CDKAL1: variants seen among roughly 807,000 people sequenced by gnomAD.
The protein encoded by CDKAL1 is CDKAL1 threonylcarbamoyladenosine tRNA methylthiotransferase.
CDKAL1 carries 32 observed loss-of-function variants against 68.2 expected under a neutral mutation model. The observed-to-expected ratio is 0.47, with a 90% CI of 0.35 to 0.63. CDKAL1 has a LOEUF of 0.63. Ranked by LOEUF, CDKAL1 falls within the 30% of genes least tolerant of loss-of-function variation. The pLI, the probability that CDKAL1 is intolerant of heterozygous loss-of-function variation, is 0.00. For missense variants in CDKAL1, 606 were observed against 696.7 expected, an observed-to-expected ratio of 0.87 and a Z score of 1.47; for synonymous variants, 234 against 244.3, an observed-to-expected ratio of 0.96 and a Z score of 0.39.
At chr6:20,844,104 C>G (rs1412813658) in intron 8 of CDKAL1, among the ~76,000 whole-genome samples, 1 of 152,056 alleles carries the variant, frequency 6.6e-6, no homozygotes, top group Non-Finnish European at 1.5e-5. Flanking sequence ...ACAGAACCAG[C>G]AGGAGGATGA....
At chr6:20,729,804 T>G (rs1772825058) in intron 5 of CDKAL1, among the ~76,000 whole-genome samples, 1 of 152,204 alleles carries the variant, frequency 6.6e-6, no homozygotes, top group Non-Finnish European at 1.5e-5. Context: ...CAAATGACCG[T>G]AAGGTTCCTT....
intron 8 of CDKAL1, among the ~76,000 whole-genome samples, chr6:20,822,666 C>G (rs1473600512): frequency 6.6e-6 from 1 of 152,064 alleles, no homozygotes; most frequent in Non-Finnish European, 1.5e-5. Context: ...AGGATGGTTT[C>G]CCCAATGTTG....
rs777671526 is a variant in CDKAL1, at chr6:21,231,042, T to C, written c.*3T>C. On this transcript the variant is annotated 3_prime_UTR_variant, in exon 16 of 16. Coordinates refer to ENST00000274695, the MANE Select transcript of CDKAL1 (RefSeq NM_017774.3). Reference sequence around the variant, plus strand: ...TTTTTGTCAAGGTCTATAATTAGAATACAACTAATGGAAACATCTATAAAG... The same window carrying C: ...TTTTTGTCAAGGTCTATAATTAGAACACAACTAATGGAAACATCTATAAAG... The C allele has an allele frequency of 1.3e-6, 2 of 1,584,340 alleles. No homozygotes were observed. Among genetic ancestry groups the C allele is most frequent in the Non-Finnish European group, 1.7e-6 (2 of 1,158,894 alleles).
chr6:20,546,293 T>A, intron 2 of CDKAL1, 53 bp from the exon 3 acceptor site: 1 of 1,338,696 alleles, frequency 7.5e-7, no homozygotes, highest in Non-Finnish European at 1.0e-6. Flanking sequence ...TAAATGATGC[T>A]ACGCTAAGCA....
At chr6:20,783,650 C>T (rs993195796) in intron 8 of CDKAL1, among the ~76,000 whole-genome samples, 7 of 152,162 alleles carry the variant, frequency 4.6e-5, no homozygotes, top group African/African-American at 1.7e-4. Flanking sequence ...TCCCTCCCAA[C>T]CAGGCTAAAT....
intron 4 of CDKAL1, among the ~76,000 whole-genome samples, chr6:20,609,399 TTC>T (rs201260456): frequency 0.37 from 40,425 of 108,484 alleles, 7,075 homozygotes; most frequent in African/African-American, 0.51. Flanking sequence ...CTTCTTCTTC[TTC>T]TTTTTTTTTT....
At chr6:21,116,054 G>A (rs1774393221) in intron 13 of CDKAL1, among the ~76,000 whole-genome samples, 1 of 152,112 alleles carries the variant, frequency 6.6e-6, no homozygotes, top group Admixed American at 6.5e-5. Context: ...TTGAGTAGCA[G>A]ATTATGTTTA....
rs995502566 is a variant in CDKAL1, at chr6:20,558,594, G to A, written c.286+9889G>A. 7 of 456,562 alleles carry A rather than the reference G, an allele frequency of 1.5e-5. No individual in the cohort carries two copies. The Admixed American group carries it at 1.6e-4, about 11-fold the overall frequency. The allele number at this position is 456,562 out of a possible 1,614,324, so 28.3% of individuals were successfully genotyped here. ...TGGAATTCTGGAATGGCTAGCCTGG[G>A]CCAGGAAAAATCACTTTGTAATCTA... On this transcript the variant is annotated intron_variant, in intron 4 of 15. Coordinates refer to ENST00000274695, the MANE Select transcript of CDKAL1 (RefSeq NM_017774.3).
intron 10 of CDKAL1, among the ~76,000 whole-genome samples, chr6:20,995,821 A>G (rs1016272491): frequency 6.6e-6 from 1 of 152,132 alleles, no homozygotes; most frequent in African/African-American, 2.4e-5. Context: ...GCTTTGAAGC[A>G]TTGCTTCAAA....
At chr6:21,078,235 C>A (rs1400449853) in intron 12 of CDKAL1, among the ~76,000 whole-genome samples, 3 of 152,142 alleles carry the variant, frequency 2.0e-5, no homozygotes, top group African/African-American at 7.2e-5. Flanking sequence ...CATTGTCTGG[C>A]TTTTCGAGAC....
In CDKAL1 at chr6:20,570,914, A is replaced by T. The variant is rs572640553; in HGVS notation, c.286+22209A>T. On this transcript the variant is annotated intron_variant, in intron 4 of 15. Coordinates refer to ENST00000274695, the MANE Select transcript of CDKAL1 (RefSeq NM_017774.3). ...TTGTGGTAAGTTATAGATTATTGAT[A>T]GGGGCTTCTATAGTTTATTTTTCTA... is the stretch of plus-strand genomic sequence containing the variant. Among the ~76,000 whole-genome samples, 83 of 152,262 alleles carry T rather than the reference A, an allele frequency of 5.5e-4. 1 individual carries two copies. Among genetic ancestry groups the T allele is most frequent in the Middle Eastern group, 6.8e-3 (2 of 294 alleles).
chr6:21,028,237 A>C (rs567688468), intron 11 of CDKAL1, among the ~76,000 whole-genome samples: 4 of 152,296 alleles, frequency 2.6e-5, no homozygotes, highest in African/African-American at 9.6e-5. Context: ...CAACAATAGT[A>C]ATAGTTAACA....
At chr6:20,603,604 C>T (rs911873499) in intron 4 of CDKAL1, among the ~76,000 whole-genome samples, 6 of 151,844 alleles carry the variant, frequency 4.0e-5, no homozygotes, top group African/African-American at 9.7e-5. Context: ...GAAGCAGACA[C>T]GGAAACACTA....
chr6:20,801,507 AAC>A (rs1172438634), intron 8 of CDKAL1, among the ~76,000 whole-genome samples: 1 of 147,430 alleles, frequency 6.8e-6, no homozygotes, highest in East Asian at 2.0e-4. Context: ...TTATTTTTTT[AAC>A]ATGTTTCAAA....
intron 9 of CDKAL1, among the ~76,000 whole-genome samples, chr6:20,867,724 C>T (rs887530499): frequency 7.2e-5 from 11 of 152,256 alleles, no homozygotes; most frequent in African/African-American, 2.6e-4. Flanking sequence ...CTGGTCCTAA[C>T]CTGTTTCTCT....
At chr6:21,158,900 A>G (rs964657289) in intron 13 of CDKAL1, among the ~76,000 whole-genome samples, 8 of 152,106 alleles carry the variant, frequency 5.3e-5, no homozygotes, top group Non-Finnish European at 1.0e-4. Context: ...TATGTACCTA[A>G]TTATTTCTTT....
chr6:20,847,636 C>G (rs1778425152), intron 9 of CDKAL1, among the ~76,000 whole-genome samples: 1 of 152,136 alleles, frequency 6.6e-6, no homozygotes, highest in Admixed American at 6.5e-5. Context: ...GTGAAAATCT[C>G]CTCTTCACTC....
chr6:21,181,459 T>C (rs949133644), intron 13 of CDKAL1, among the ~76,000 whole-genome samples: 2 of 152,204 alleles, frequency 1.3e-5, no homozygotes, highest in African/African-American at 4.8e-5. Flanking sequence ...CCTCCCTCTA[T>C]TGCCTTCTCT....
At chr6:21,029,488 A>G (rs201303) in intron 11 of CDKAL1, among the ~76,000 whole-genome samples, 13,788 of 152,250 alleles carry the variant, frequency 0.091, 810 homozygotes, top group Middle Eastern at 0.16. Context: ...AATGGGATCT[A>G]ATTAAACTAA....
Sources: allele counts gnomAD v4.1 joint callset (sites outside exome capture counted in the v4.1 genomes callset), GRCh38; gene constraint gnomAD v4.1.1; transcripts MANE v1.5; gene names NCBI Gene and HGNC (gene_info 2026-07-23, HGNC 2026-07-21).